Variants in GNA13 observed in about 807,000 individuals in gnomAD.
The protein encoded by GNA13 is guanine nucleotide-binding protein subunit alpha-13.
In GNA13, 4 loss-of-function variants were observed where a neutral mutation model predicts 33.5. The observed-to-expected ratio is 0.12, with a 90% CI of 0.06 to 0.27. GNA13 has a LOEUF of 0.27. Ranked by LOEUF, GNA13 falls within the 10% of genes least tolerant of loss-of-function variation. GNA13 has a pLI of 1.00. For missense variants in GNA13, 319 were observed against 487.2 expected (o/e 0.65, Z 3.25); for synonymous variants, 176 against 183.8 (o/e 0.96, Z 0.34).
At chr17:65,051,733 A>T (rs1200612547) in intron 2 of GNA13, among the ~76,000 whole-genome samples, 17 of 152,212 alleles carry the variant, frequency 1.1e-4, no homozygotes. Flanking sequence ...GACAAAACTA[A>T]CCAGAAATCT....
intron 2 of GNA13, among the ~76,000 whole-genome samples, chr17:65,026,187 C>T (rs555117445): frequency 1.7e-3 from 263 of 150,978 alleles, no homozygotes; most frequent in Middle Eastern, 3.4e-3. Flanking sequence ...GACCAAATCA[C>T]TACTCTCCAC....
rs536962643 is a variant in GNA13 at position 65,009,739 on chromosome 17, C to T, written c.*4518G>A. ...CATTTCAAACGTTTTGCGATTCTGCCTTCAAGTAAGAGGTAAAAGGTAAAT... is the reference window on the plus strand; with the variant it reads ...CATTTCAAACGTTTTGCGATTCTGCTTTCAAGTAAGAGGTAAAAGGTAAAT... On this transcript the variant is annotated 3_prime_UTR_variant, in exon 4 of 4. Transcript: ENST00000439174. Among the ~76,000 whole-genome samples, 66 of 152,240 alleles carry T rather than the reference C, an allele frequency of 4.3e-4. 1 individual carries two copies. The highest frequency in any genetic ancestry group is 1.4e-3 in the African/African-American group (57 of 41,522).
At chr17:65,054,819 A>T (rs548288438) in intron 1 of GNA13, among the ~76,000 whole-genome samples, 1 of 152,346 alleles carries the variant, frequency 6.6e-6, no homozygotes, top group East Asian at 1.9e-4. Flanking sequence ...ATCAGGTTAC[A>T]AAGGTACCTT....
chr17:65,038,812 T>G (rs1042588535), intron 2 of GNA13, among the ~76,000 whole-genome samples: 1 of 152,218 alleles, frequency 6.6e-6, no homozygotes, highest in Non-Finnish European at 1.5e-5. Context: ...CTTACATCAG[T>G]TGATAGTTGG....
In GNA13 at chr17:65,012,656, G is replaced by T. The variant is rs999147248; in HGVS notation, c.*1601C>A. 8.7e-6 allele frequency: 2 copies of T among 229,850 alleles called. No individual in the cohort carries two copies. Among genetic ancestry groups the T allele is most frequent in the East Asian group, 6.2e-5 (1 of 16,232 alleles). The allele number at this position is 229,850 out of a possible 1,614,324, so 14.2% of individuals were successfully genotyped here. A position where few individuals can be genotyped will look rare whatever the true frequency, so the allele number is the denominator to read the frequency against. The stretch of plus-strand genomic sequence containing the variant: ...TAGTTCACTGAAAAGCCCCACTCTC[G>T]TATCAGACAGCAAGACAGAACAACA... On this transcript the variant is annotated 3_prime_UTR_variant, in exon 4 of 4. Coordinates refer to ENST00000439174, the MANE Select transcript of GNA13 (RefSeq NM_006572.6).
At chr17:65,035,569 T>C (rs1907213557) in intron 2 of GNA13, among the ~76,000 whole-genome samples, 1 of 152,182 alleles carries the variant, frequency 6.6e-6, no homozygotes, top group Non-Finnish European at 1.5e-5. Flanking sequence ...ACAAGCTAAT[T>C]AAGGTTCTGG....
chr17:65,019,424 C>A (rs944480853), intron 2 of GNA13, among the ~76,000 whole-genome samples: 1 of 152,114 alleles, frequency 6.6e-6, no homozygotes, highest in African/African-American at 2.4e-5. Flanking sequence ...GCCTAAGTGT[C>A]CATCAACAGA....
intron 2 of GNA13, among the ~76,000 whole-genome samples, chr17:65,033,397 G>A (rs1055626570): frequency 2.0e-5 from 3 of 151,772 alleles, no homozygotes; most frequent in African/African-American, 7.3e-5. Flanking sequence ...TGAAGCAGAA[G>A]GATTGCCTGA....
At chr17:65,022,233 G>A (rs1000431380) in intron 2 of GNA13, among the ~76,000 whole-genome samples, 32 of 152,074 alleles carry the variant, frequency 2.1e-4, no homozygotes, top group African/African-American at 6.8e-4. Context: ...TTGGTGTATC[G>A]TCTATGGGAA....
At chr17:65,017,052 C>A (rs1906394958) in intron 3 of GNA13, among the ~76,000 whole-genome samples, 1 of 151,654 alleles carries the variant, frequency 6.6e-6, no homozygotes, top group Non-Finnish European at 1.5e-5. Flanking sequence ...TTCCTTTGGA[C>A]TATTTCCTAA....
chr17:65,051,433 T>C (rs773763725), intron 2 of GNA13, among the ~76,000 whole-genome samples: 2 of 152,156 alleles, frequency 1.3e-5, no homozygotes, highest in Non-Finnish European at 2.9e-5. Flanking sequence ...TTGACCAACA[T>C]GGAGAAACAC....
rs1906120535 is a variant in GNA13, at chr17:65,009,933, A to G, written c.*4324T>C. ...AAACCAAAGTCACATACCAAGTAGT[A>G]TATGACGTTCAGTGATATTCACTGA... On this transcript the variant is annotated 3_prime_UTR_variant, in exon 4 of 4. Transcript: ENST00000439174. Among the ~76,000 whole-genome samples the G allele has an allele frequency of 6.6e-6, 1 of 152,202 alleles. No individual in the cohort carries two copies. The highest frequency in any genetic ancestry group is 1.5e-5 in the Non-Finnish European group (1 of 68,032).
intron 2 of GNA13, among the ~76,000 whole-genome samples, chr17:65,030,824 G>A (rs917184431): frequency 9.2e-5 from 14 of 152,128 alleles, no homozygotes; most frequent in African/African-American, 3.4e-4. Flanking sequence ...ACCAGCCTGG[G>A]CAACATAGCA....
At chr17:65,022,626 C>T (rs190519487) in intron 2 of GNA13, among the ~76,000 whole-genome samples, 4 of 152,188 alleles carry the variant, frequency 2.6e-5, no homozygotes, top group Admixed American at 2.0e-4. Flanking sequence ...AGAAAAGCAA[C>T]GGTCATAAAA....
intron 2 of GNA13, among the ~76,000 whole-genome samples, chr17:65,024,039 A>G (rs1488991765): frequency 6.6e-6 from 1 of 152,188 alleles, no homozygotes; most frequent in Admixed American, 6.5e-5. Context: ...GGATTGCTTG[A>G]GCCCAGGAGT....
At position 65,031,915 on chromosome 17, in the gene GNA13, A is replaced by AGTGT. The variant is rs1567821894; in HGVS notation, c.511-13613_511-13612insACAC. On this transcript the variant is annotated intron_variant, in intron 2 of 3. Coordinates refer to ENST00000439174, the MANE Select transcript of GNA13 (RefSeq NM_006572.6). ...GAGAGAAAGAGAGAGAGAGAGAGAG[A>AGTGT]GAGAGAGTGTGTGTGTGTGTGTGTG... 2.1e-4 allele frequency among the ~76,000 whole-genome samples: 28 copies of AGTGT among 131,414 alleles called. 1 individual carries two copies. The highest frequency in any genetic ancestry group is 3.1e-4 in the Non-Finnish European group (19 of 61,338). The allele number at this position is 131,414 out of a possible 152,430, so 86.2% of individuals were successfully genotyped here.
chr17:65,033,844 C>T (rs1224422521), intron 2 of GNA13, among the ~76,000 whole-genome samples: 1 of 151,828 alleles, frequency 6.6e-6, no homozygotes, highest in Non-Finnish European at 1.5e-5. Flanking sequence ...GAAACCCTGT[C>T]TCTACTAAAA....
intron 1 of GNA13, among the ~76,000 whole-genome samples, chr17:65,053,951 G>A (rs951709803): frequency 6.6e-6 from 1 of 152,056 alleles, no homozygotes; most frequent in African/African-American, 2.4e-5. Context: ...AATACTATTA[G>A]CACAATTCCT....
At chr17:65,037,777 G>GAAAAATAAAAAA (rs145051963) in intron 2 of GNA13, among the ~76,000 whole-genome samples, 1 of 82,042 alleles carries the variant, frequency 1.2e-5, no homozygotes, top group Non-Finnish European at 2.1e-5. Flanking sequence ...CTACAAAAAT[G>GAAAAATAAAAAA]GAAAAAAAAA....
Sources: allele counts gnomAD v4.1 joint callset (sites outside exome capture counted in the v4.1 genomes callset), GRCh38; gene constraint gnomAD v4.1.1; transcripts MANE v1.5; gene names NCBI Gene and HGNC (gene_info 2026-07-23, HGNC 2026-07-21).